Variants in TRPM6 observed in about 807,000 individuals in gnomAD.
TRPM6 encodes channel kinase 2.
TRPM6 carries 111 observed loss-of-function variants against 247.6 expected under a neutral mutation model. The observed-to-expected ratio is 0.45, with a 90% confidence interval of 0.38 to 0.52. TRPM6 has a LOEUF of 0.52. Ranked by LOEUF, TRPM6 falls within the 20% of genes least tolerant of loss-of-function variation. The pLI is 0.00. For synonymous variants in TRPM6, 892 were observed against 853.8 expected, an observed-to-expected ratio of 1.04 and a Z score of -0.78; for missense variants, 2,126 against 2,421.5, an observed-to-expected ratio of 0.88 and a Z score of 2.56.
At chr9:74,759,716 CA>C (rs1239085091) in intron 27 of TRPM6, among the ~76,000 whole-genome samples, 3 of 151,640 alleles carry the variant, frequency 2.0e-5, no homozygotes, top group Non-Finnish European at 2.9e-5. Context: ...GTGATCTTGG[CA>C]AAAATATTTT....
intron 1 of TRPM6, chr9:74,887,437 A>C: frequency 8.7e-7 from 1 of 1,146,458 alleles, no homozygotes; most frequent in Non-Finnish European, 1.2e-6. Context: ...TCTCAGCTCA[A>C]GCCACCTCCG....
chr9:74,732,503 T>C (rs1469202314), intron 37 of TRPM6, among the ~76,000 whole-genome samples, 182 bp downstream of exon 37: 1 of 152,234 alleles, frequency 6.6e-6, no homozygotes, highest in Non-Finnish European at 1.5e-5. Flanking sequence ...TTTCCATATT[T>C]TCCCCCCATT....
intron 1 of TRPM6, among the ~76,000 whole-genome samples, chr9:74,881,884 A>G (rs1027341300): frequency 4.6e-5 from 7 of 152,242 alleles, no homozygotes; most frequent in Non-Finnish European, 8.8e-5. Context: ...TAGAGAACAC[A>G]GAAGTAATTC....
chr9:74,875,227 C>T (rs1402812262), intron 1 of TRPM6: 3 of 455,964 alleles, frequency 6.6e-6, no homozygotes, highest in Admixed American at 2.4e-5. Flanking sequence ...CTGCACCTTA[C>T]AGCAACTCTT....
Position 74,810,513 on chromosome 9 carries a change from C to A in TRPM6, c.1497+302G>T, listed in dbSNP as rs149638924. Among the ~76,000 whole-genome samples the A allele has an allele frequency of 1.4e-3, 210 of 152,302 alleles. 3 individuals are homozygous for A. The highest frequency in any genetic ancestry group is 5.6e-4 in the Non-Finnish European group (38 of 68,034). ...CCAGCTGGTATCATCATCATAGGCA[C>A]CACCACGGTATCGGGGTAAGCTGAA... On this transcript the variant is annotated intron_variant, in intron 13 of 38. Transcript: ENST00000360774.
intron 13 of TRPM6, 27 bp downstream of exon 13, chr9:74,810,788 A>T: frequency 3.7e-6 from 6 of 1,607,444 alleles, no homozygotes; most frequent in Non-Finnish European, 5.1e-6. Flanking sequence ...ACACAAAGAC[A>T]TGTTCACGCC....
At chr9:74,850,826 C>T (rs955130849) in intron 3 of TRPM6, among the ~76,000 whole-genome samples, 19 of 152,096 alleles carry the variant, frequency 1.2e-4, no homozygotes, top group Non-Finnish European at 1.5e-4. Context: ...CCAAATGTAC[C>T]GAATATACAT....
intron 1 of TRPM6, among the ~76,000 whole-genome samples, chr9:74,860,411 C>A (rs866927063): frequency 7.2e-5 from 11 of 151,910 alleles, no homozygotes; most frequent in Non-Finnish European, 1.3e-4. Flanking sequence ...TGGCTCACTG[C>A]AATCTGGCGC....
chr9:74,734,626 GC>G (rs1304998731), intron 36 of TRPM6, among the ~76,000 whole-genome samples: 1 of 152,088 alleles, frequency 6.6e-6, no homozygotes, highest in East Asian at 1.9e-4. Context: ...CAAAGTGTCT[GC>G]CCCCTAGGAA....
intron 7 of TRPM6, among the ~76,000 whole-genome samples, chr9:74,824,011 G>A (rs1829230808): frequency 6.6e-6 from 1 of 151,954 alleles, no homozygotes; most frequent in Non-Finnish European, 1.5e-5. Context: ...TGAGATTACA[G>A]AAAACTGTCC....
At chr9:74,752,488 C>T (rs1280213563) in intron 28 of TRPM6, 120 bp from the exon 29 acceptor site, 3 of 652,142 alleles carry the variant, frequency 4.6e-6, no homozygotes, top group Non-Finnish European at 7.9e-6. Flanking sequence ...ATAGTTTTCC[C>T]TTTCTGTTTT....
At chr9:74,736,988 T>C (rs1825718128) in intron 36 of TRPM6, among the ~76,000 whole-genome samples, 1 of 152,148 alleles carries the variant, frequency 6.6e-6, no homozygotes, top group South Asian at 2.1e-4. Context: ...CTGTTTTTCC[T>C]TTTTAAACAA....
chr9:74,742,173 C>T (rs1587459155), intron 33 of TRPM6, among the ~76,000 whole-genome samples: 1 of 152,302 alleles, frequency 6.6e-6, no homozygotes, highest in Non-Finnish European at 1.5e-5. Flanking sequence ...AAAAACAATA[C>T]ACAAAGCATT....
At chr9:74,862,679 T>A (rs564632561) in intron 1 of TRPM6, among the ~76,000 whole-genome samples, 13 of 152,306 alleles carry the variant, frequency 8.5e-5, no homozygotes, top group South Asian at 8.3e-4. Context: ...CAATATTTTT[T>A]AAAAATTTAT....
At chr9:74,817,622 C>T (rs1415037946) in intron 9 of TRPM6, among the ~76,000 whole-genome samples, 4 of 152,094 alleles carry the variant, frequency 2.6e-5, no homozygotes, top group African/African-American at 7.2e-5. Flanking sequence ...CAAGTAAGTT[C>T]GTTACTTATG....
intron 7 of TRPM6, among the ~76,000 whole-genome samples, chr9:74,825,081 A>T (rs1829283498): frequency 6.6e-6 from 1 of 152,122 alleles, no homozygotes; most frequent in South Asian, 2.1e-4. Flanking sequence ...CCAACATGGT[A>T]AAATCCTGTC....
intron 19 of TRPM6, among the ~76,000 whole-genome samples, chr9:74,789,519 G>A (rs11144085): frequency 0.48 from 73,614 of 151,862 alleles, 18,028 homozygotes; most frequent in East Asian, 0.62. Flanking sequence ...CTGTCCATGC[G>A]CATTGAAAAC....
At chr9:74,750,536 G>T in intron 30 of TRPM6, 128 bp downstream of exon 30, 3 of 867,936 alleles carry the variant, frequency 3.5e-6, no homozygotes, top group Non-Finnish European at 5.7e-6. Flanking sequence ...GCTAACAAGA[G>T]AAAAGTATTG....
intron 20 of TRPM6, 30 bp from the exon 21 acceptor site, chr9:74,786,155 A>T (rs756871485): frequency 3.1e-6 from 5 of 1,613,282 alleles, no homozygotes; most frequent in Non-Finnish European, 4.2e-6. Flanking sequence ...AACTTTAAAA[A>T]GGAGGTACAA....
Sources: allele counts gnomAD v4.1 joint callset (sites outside exome capture counted in the v4.1 genomes callset), GRCh38; gene constraint gnomAD v4.1.1; transcripts MANE v1.5; gene names NCBI Gene and HGNC (gene_info 2026-07-23, HGNC 2026-07-21).